The following CAST variants were observed in gnomAD, a reference collection of about 807,000 sequenced individuals.
The protein encoded by CAST is calpastatin.
A neutral mutation model predicts 119.6 loss-of-function variants in CAST; 76 were observed. That is an observed-to-expected ratio of 0.64 (90% CI 0.53 to 0.77). The LOEUF (loss-of-function observed/expected upper bound fraction) is 0.77, where lower values mean the gene tolerates loss of function less well. Ranked by LOEUF, CAST falls within the 30% of genes least tolerant of loss-of-function variation. The probability of loss-of-function intolerance (pLI) is 0.00; values close to 1 mark genes in which losing one functional copy is unlikely to be tolerated. For synonymous variants in CAST, 319 were observed against 331.6 expected (o/e 0.96, Z 0.41); for missense variants, 953 against 946.5 (o/e 1.01, Z -0.09).
the CAST span, among the ~76,000 whole-genome samples, chr5:96,439,971 T>C: frequency 6.6e-6 from 1 of 151,982 alleles, no homozygotes; most frequent in Admixed American, 6.6e-5. Context: ...AAAACAAAGG[T>C]ACTAAAGCAG....
At chr5:96,670,230 A>C (rs1366314122) in intron 1 of CAST, among the ~76,000 whole-genome samples, 2 of 152,150 alleles carry the variant, frequency 1.3e-5, no homozygotes, top group Non-Finnish European at 2.9e-5. Context: ...AAAATGTTTA[A>C]GTTTTCAAAT....
At chr5:96,258,162 C>T in the CAST span, among the ~76,000 whole-genome samples, 1 of 152,098 alleles carries the variant, frequency 6.6e-6, no homozygotes, top group East Asian at 1.9e-4. Context: ...GAAGTAAAGG[C>T]CATGACATCG....
the CAST span, among the ~76,000 whole-genome samples, chr5:96,276,868 T>C: frequency 8.5e-5 from 13 of 152,224 alleles, no homozygotes; most frequent in Non-Finnish European, 1.8e-4. Flanking sequence ...TTTCATGCTT[T>C]TGTTCTATGT....
chr5:96,442,770 G>T, the CAST span, among the ~76,000 whole-genome samples: 1 of 152,270 alleles, frequency 6.6e-6, no homozygotes, highest in East Asian at 1.9e-4. Flanking sequence ...GCCTTAACTG[G>T]CATTGGCATT....
At chr5:96,657,957 C>T (rs569676509), upstream of CAST, among the ~76,000 whole-genome samples, 7 of 152,164 alleles carry the variant, frequency 4.6e-5, no homozygotes, top group African/African-American at 1.4e-4. Flanking sequence ...ATTAGATGAC[C>T]GTGGTGGTGG....
chr5:96,354,727 G>T, the CAST span, among the ~76,000 whole-genome samples: 1 of 148,462 alleles, frequency 6.7e-6, no homozygotes, highest in African/African-American at 2.5e-5. Flanking sequence ...TAATATATAA[G>T]ATGTTATGCA....
chr5:95,977,356 T>C, the CAST span, among the ~76,000 whole-genome samples: 239 of 152,384 alleles, frequency 1.6e-3, no homozygotes, highest in African/African-American at 4.8e-3. Flanking sequence ...ATCCCATCCA[T>C]GAGGGCTCTG....
At chr5:96,310,976 G>A in the CAST span, among the ~76,000 whole-genome samples, 4 of 151,628 alleles carry the variant, frequency 2.6e-5, no homozygotes, top group Middle Eastern at 3.4e-3. Flanking sequence ...ATAACATTGA[G>A]ATTACTTTGT....
the CAST span, among the ~76,000 whole-genome samples, chr5:95,998,438 G>A: frequency 1.3e-5 from 2 of 151,962 alleles, no homozygotes; most frequent in Non-Finnish European, 1.5e-5. Context: ...GTAGACTCCA[G>A]TGTCTGTTAT....
At chr5:96,338,905 T>C in the CAST span, among the ~76,000 whole-genome samples, 1 of 152,134 alleles carries the variant, frequency 6.6e-6, no homozygotes, top group Non-Finnish European at 1.5e-5. Flanking sequence ...CTGTAGATGG[T>C]TTGGTTTTTT....
chr5:96,496,836 C>CA, the CAST span, among the ~76,000 whole-genome samples: 1 of 149,706 alleles, frequency 6.7e-6, no homozygotes, highest in Non-Finnish European at 1.5e-5. Context: ...CACTGTTTTG[C>CA]TTTTTTTTTA....
chr5:96,560,133 T>G (rs1054443797), intron 1 of CAST, among the ~76,000 whole-genome samples: 1 of 151,304 alleles, frequency 6.6e-6, no homozygotes, highest in Non-Finnish European at 1.5e-5. Flanking sequence ...TAAATGGTGC[T>G]GGGAAAACTG....
chr5:96,754,279 T>A, intron 21 of CAST, 118 bp downstream of exon 21: 1 of 717,690 alleles, frequency 1.4e-6, no homozygotes, highest in Non-Finnish European at 2.5e-6. Context: ...ACCAGCTGGC[T>A]TTTTCTATTA....
At chr5:96,396,415 G>C in the CAST span, among the ~76,000 whole-genome samples, 1 of 152,126 alleles carries the variant, frequency 6.6e-6, no homozygotes, top group South Asian at 2.1e-4. Context: ...ACAAAAATTA[G>C]CCAGGCTTGG....
chr5:96,690,268 G>C (rs767777775), intron 2 of CAST, among the ~76,000 whole-genome samples: 1 of 151,978 alleles, frequency 6.6e-6, no homozygotes, highest in African/African-American at 2.4e-5. Context: ...GTCTTGCTCT[G>C]TTGCCCAGGC....
the CAST span, among the ~76,000 whole-genome samples, chr5:96,264,521 G>A: frequency 6.6e-6 from 1 of 152,160 alleles, no homozygotes. Context: ...TTTCTGTCCT[G>A]TGAGCAGCAT....
the CAST span, among the ~76,000 whole-genome samples, chr5:96,210,458 T>A: frequency 6.6e-6 from 1 of 152,072 alleles, no homozygotes; most frequent in Non-Finnish European, 1.5e-5. Flanking sequence ...TCTTCCTCCA[T>A]TGAATTGCTT....
chr5:96,272,353 A>C, the CAST span, among the ~76,000 whole-genome samples: 3 of 152,202 alleles, frequency 2.0e-5, no homozygotes, highest in Middle Eastern at 3.2e-3. Context: ...CCAAAAGATC[A>C]AATCAAGGGA....
the CAST span, among the ~76,000 whole-genome samples, chr5:96,042,561 GATTA>G: frequency 1.3e-5 from 2 of 152,274 alleles, no homozygotes; most frequent in South Asian, 4.2e-4. Context: ...TGTTCGATAT[GATTA>G]ATTATTATTT....
Sources: allele counts gnomAD v4.1 joint callset (sites outside exome capture counted in the v4.1 genomes callset), GRCh38; gene constraint gnomAD v4.1.1; transcripts MANE v1.5; gene names NCBI Gene and HGNC (gene_info 2026-07-23, HGNC 2026-07-21).